The following PLS1 variants were observed in gnomAD, a reference collection of about 807,000 sequenced individuals.
PLS1 encodes the protein plastin 1.
Under a neutral mutation model 73.7 loss-of-function variants are expected in PLS1, and 32 were observed. That is an observed-to-expected ratio of 0.43 (90% confidence interval 0.33 to 0.58). PLS1 has a LOEUF of 0.58. Ranked by LOEUF, PLS1 falls within the 20% of genes least tolerant of loss-of-function variation. The probability of loss-of-function intolerance (pLI) is 0.04; values close to 1 mark genes in which losing one functional copy is unlikely to be tolerated. For missense variants in PLS1, 633 were observed against 740.5 expected, an observed-to-expected ratio of 0.85 and a Z score of 1.68; for synonymous variants, 217 against 261.3, an observed-to-expected ratio of 0.83 and a Z score of 1.63.
chr3:142,649,469 T>C (rs1691430495), intron 1 of PLS1, among the ~76,000 whole-genome samples: 1 of 150,674 alleles, frequency 6.6e-6, no homozygotes, highest in South Asian at 2.1e-4. Context: ...AAACCCCATC[T>C]CTACTAAAAA....
chr3:142,679,897 T>A (rs1455787187), intron 6 of PLS1, among the ~76,000 whole-genome samples: 1 of 152,200 alleles, frequency 6.6e-6, no homozygotes, highest in Admixed American at 6.5e-5. Flanking sequence ...TGATTCTTCC[T>A]ACCCATGAGC....
rs542886161 is a variant in PLS1 at position 142,612,360 on chromosome 3, ATTGTAT to A, written c.-37+15858_-37+15863del. Among the ~76,000 whole-genome samples the A allele has an allele frequency of 6.5e-3, 988 of 152,330 alleles. 11 individuals carry two copies. The highest frequency in any genetic ancestry group is 0.023 in the African/African-American group (947 of 41,584). ...AGTGCCAAAATTGTAATACAGGTAC[ATTGTAT>A]TTGTATATAAGGTTTAGAGAATGCT... On this transcript the variant is annotated intron_variant, in intron 1 of 15. Coordinates refer to ENST00000457734, the MANE Select transcript of PLS1 (RefSeq NM_001145319.2).
Position 142,654,559 on chromosome 3 carries a change from G to T in PLS1, c.-36-9643G>T, listed in dbSNP as rs192352131. Among the ~76,000 whole-genome samples, 306 of 152,092 alleles carry T rather than the reference G, an allele frequency of 2.0e-3. 3 individuals carry two copies. Among genetic ancestry groups the T allele is most frequent in the Non-Finnish European group, 3.1e-3 (209 of 67,992 alleles). ...TGTAGAGACAAAGTCTCACTATGTT[G>T]CCCAGGCTGGTCTTGAACTCCTGAC... On this transcript the variant is annotated intron_variant, in intron 1 of 15. Coordinates refer to ENST00000457734, the MANE Select transcript of PLS1 (RefSeq NM_001145319.2).
chr3:142,636,262 A>C (rs1177979721), intron 1 of PLS1, among the ~76,000 whole-genome samples: 3 of 152,198 alleles, frequency 2.0e-5, no homozygotes, highest in Non-Finnish European at 2.9e-5. Context: ...ATGTGAATGG[A>C]ATAGAATAGA....
intron 1 of PLS1, among the ~76,000 whole-genome samples, chr3:142,651,289 G>A (rs937638450): frequency 3.3e-5 from 5 of 151,782 alleles, no homozygotes; most frequent in South Asian, 2.1e-4. Flanking sequence ...ATGAAACCCC[G>A]TCTCTACTAA....
chr3:142,710,581 C>T (rs1933075583), intron 14 of PLS1, among the ~76,000 whole-genome samples: 1 of 152,130 alleles, frequency 6.6e-6, no homozygotes. Context: ...TTTAGGTTCA[C>T]TCCTGGAACT....
chr3:142,670,537 C>T (rs1481510749), intron 3 of PLS1, among the ~76,000 whole-genome samples: 1 of 152,148 alleles, frequency 6.6e-6, no homozygotes, highest in Non-Finnish European at 1.5e-5. Flanking sequence ...TGAGTCTTGC[C>T]AATCTCTGGT....
chr3:142,628,518 C>CCTTAGCTCA (rs1459478343), intron 1 of PLS1, among the ~76,000 whole-genome samples: 2 of 152,214 alleles, frequency 1.3e-5, no homozygotes, highest in East Asian at 3.9e-4. Context: ...CAGTCCTGTT[C>CCTTAGCTCA]CTTAGCTCAC....
At chr3:142,630,633 C>A (rs1448421628) in intron 1 of PLS1, among the ~76,000 whole-genome samples, 1 of 151,260 alleles carries the variant, frequency 6.6e-6, no homozygotes, top group Non-Finnish European at 1.5e-5. Context: ...TGTCTGTAAT[C>A]CCAGCTACTC....
chr3:142,613,204 G>A (rs894959961), intron 1 of PLS1, among the ~76,000 whole-genome samples: 4 of 152,132 alleles, frequency 2.6e-5, no homozygotes, highest in Admixed American at 6.5e-5. Context: ...AGGGCTGGGC[G>A]CCGTGGTTCA....
chr3:142,712,101 T>G lies in PLS1; in HGVS notation c.*94T>G, dbSNP rs550414857. The G allele has an allele frequency of 4.0e-5, 44 of 1,092,866 alleles. No individual in the cohort carries two copies. The South Asian group carries it at 5.6e-4, about 14-fold the overall frequency. The allele number at this position is 1,092,866 out of a possible 1,614,324, so 67.7% of individuals were successfully genotyped here. A position where few individuals can be genotyped will look rare whatever the true frequency, so the allele number is the denominator to read the frequency against. ...TAGTGGGTGTAAAACCAGAGATTAT[T>G]TGTATGCTCAAAATAGTTATATATT... On this transcript the variant is annotated 3_prime_UTR_variant, in exon 16 of 16. Transcript: ENST00000457734.
Position 142,711,602 on chromosome 3 carries a change from T to C in PLS1, c.1731T>C (p.Asp577=), listed in dbSNP as rs1382871810. The part of the protein sequence containing the change: ...QEMIRRENLS[D]EDKLNNAKYA... Reference sequence around the variant, plus strand: ...TGATCAGGAGAGAAAACTTATCTGATGAGGACAAGCTGAACAATGCTAAGT... The same window carrying C: ...TGATCAGGAGAGAAAACTTATCTGACGAGGACAAGCTGAACAATGCTAAGT... Residue 577 remains aspartate (D), a synonymous_variant, in exon 15 of 16, where the codon GAT becomes GAC. Coordinates refer to ENST00000457734, the MANE Select transcript of PLS1 (RefSeq NM_001145319.2). The C allele has an allele frequency of 1.9e-6, 3 of 1,609,056 alleles. No individual in the cohort carries two copies. The highest frequency in any genetic ancestry group is 3.3e-5 in the Admixed American group (2 of 59,986).
chr3:142,638,723 ATTTTATTTTATT>A (rs1321559683), intron 1 of PLS1, among the ~76,000 whole-genome samples: 687 of 21,612 alleles, frequency 0.032, 5 homozygotes, highest in African/African-American at 0.17. Flanking sequence ...ATTTTATTTT[ATTTTATTTTATT>A]TTATTTTATT....
At chr3:142,691,274 A>G (rs772033703) in intron 10 of PLS1, among the ~76,000 whole-genome samples, 2 of 152,102 alleles carry the variant, frequency 1.3e-5, no homozygotes, top group Non-Finnish European at 2.9e-5. Flanking sequence ...TATATTTTCT[A>G]TGTAGATACG....
chr3:142,664,042 G>A, intron 1 of PLS1, 160 bp from the exon 2 acceptor site: 1 of 363,966 alleles, frequency 2.7e-6, no homozygotes, highest in Non-Finnish European at 5.0e-6. Flanking sequence ...GCTGGCCTAT[G>A]CTGAGAGATT....
At chr3:142,607,843 C>A (rs2036051897) in intron 1 of PLS1, among the ~76,000 whole-genome samples, 1 of 151,062 alleles carries the variant, frequency 6.6e-6, no homozygotes, top group African/African-American at 2.4e-5. Flanking sequence ...CAATCAGGTA[C>A]ATTGTGGAAT....
chr3:142,694,587 C>A, intron 11 of PLS1, 40 bp downstream of exon 11: 2 of 1,204,384 alleles, frequency 1.7e-6, no homozygotes, highest in Non-Finnish European at 2.4e-6. Context: ...TGTCAGGGTC[C>A]AACTTTTCAA....
intron 1 of PLS1, among the ~76,000 whole-genome samples, chr3:142,643,517 A>G (rs1219538328): frequency 6.6e-6 from 1 of 152,204 alleles, no homozygotes; most frequent in Non-Finnish European, 1.5e-5. Flanking sequence ...TCGAGCAGAA[A>G]TGTACCTCCT....
intron 1 of PLS1, among the ~76,000 whole-genome samples, chr3:142,663,336 AT>A (rs1389361100): frequency 6.6e-6 from 1 of 152,224 alleles, no homozygotes; most frequent in Non-Finnish European, 1.5e-5. Flanking sequence ...TTCATTATCA[AT>A]TATTTTCTGC....
Sources: allele counts gnomAD v4.1 joint callset (sites outside exome capture counted in the v4.1 genomes callset), GRCh38; gene constraint gnomAD v4.1.1; transcripts MANE v1.5; gene names NCBI Gene and HGNC (gene_info 2026-07-23, HGNC 2026-07-21).